CSMD1: variants seen among roughly 807,000 people sequenced by gnomAD.
CSMD1 encodes CUB and sushi domain-containing protein 1.
CSMD1 carries 213 observed loss-of-function variants against 417.5 expected under a neutral mutation model. The ratio of observed to expected loss-of-function variants is 0.51; its 90% CI spans 0.46 to 0.57. CSMD1 has a LOEUF of 0.57. Among genes scored for constraint, CSMD1 ranks in the 20% least tolerant of loss-of-function variants. The probability of loss-of-function intolerance (pLI) is 0.00; values close to 1 mark genes in which losing one functional copy is unlikely to be tolerated. For missense variants in CSMD1, 6,923 were observed against 4,529.7 expected (o/e 1.53, Z -15.17); for synonymous variants, 2,862 against 1,736.8 (o/e 1.65, Z -16.11).
At chr8:4,042,225 A>C (rs1011233567) in intron 3 of CSMD1, among the ~76,000 whole-genome samples, 2 of 152,212 alleles carry the variant, frequency 1.3e-5, no homozygotes, top group African/African-American at 2.4e-5. Context: ...ACCATATCAC[A>C]CATGTCAAAA....
chr8:4,479,701 C>G (rs1800985513), intron 2 of CSMD1, among the ~76,000 whole-genome samples: 1 of 151,946 alleles, frequency 6.6e-6, no homozygotes, highest in Non-Finnish European at 1.5e-5. Context: ...AGAGACCATC[C>G]TGGCCAACAT....
At chr8:3,507,374 T>G (rs907249428) in intron 10 of CSMD1, among the ~76,000 whole-genome samples, 1 of 152,238 alleles carries the variant, frequency 6.6e-6, no homozygotes, top group African/African-American at 2.4e-5. Context: ...ATGATGTATT[T>G]GTGCCACATT....
At chr8:3,587,390 T>C (rs1452739438) in intron 8 of CSMD1, among the ~76,000 whole-genome samples, 1 of 152,146 alleles carries the variant, frequency 6.6e-6, no homozygotes, top group African/African-American at 2.4e-5. Context: ...TGTTTTTAGT[T>C]TGAGAAACCA....
chr8:3,447,555 G>A (rs1044470815), intron 12 of CSMD1, among the ~76,000 whole-genome samples: 2 of 152,190 alleles, frequency 1.3e-5, no homozygotes, highest in South Asian at 4.1e-4. Flanking sequence ...CGGAACCACT[G>A]TTCACAGAGG....
chr8:3,682,182 T>A lies in CSMD1; in HGVS notation c.1009+26232A>T, dbSNP rs1281719148. Among the ~76,000 whole-genome samples the A allele has an allele frequency of 2.0e-5, 3 of 152,112 alleles. No individual in the cohort carries two copies. The South Asian group carries it at 6.2e-4, about 32-fold the overall frequency. Reference sequence around the variant, plus strand: ...AAAGCAATGGCAACAAAAGCCAAAATTGACAAATGGGATCTAATTAAACTA... The same window carrying A: ...AAAGCAATGGCAACAAAAGCCAAAAATGACAAATGGGATCTAATTAAACTA... On this transcript the variant is annotated intron_variant, in intron 7 of 69. Transcript: ENST00000635120.
intron 52 of CSMD1, among the ~76,000 whole-genome samples, chr8:3,001,188 G>C (rs930799650): frequency 6.6e-6 from 1 of 151,958 alleles, no homozygotes; most frequent in Non-Finnish European, 1.5e-5. Context: ...TAGAGATGGG[G>C]TCTCATTATG....
intron 5 of CSMD1, among the ~76,000 whole-genome samples, chr8:3,825,962 T>C (rs1226954033): frequency 6.6e-6 from 1 of 152,212 alleles, no homozygotes; most frequent in East Asian, 1.9e-4. Flanking sequence ...AATGCATCGT[T>C]TTAACTTGGC....
intron 1 of CSMD1, among the ~76,000 whole-genome samples, chr8:4,729,658 A>G (rs1050386494): frequency 2.6e-5 from 4 of 152,210 alleles, no homozygotes; most frequent in African/African-American, 9.7e-5. Flanking sequence ...ATGAGTATCT[A>G]TTTGGCAACA....
At chr8:3,223,458 C>A (rs960381836) in intron 28 of CSMD1, among the ~76,000 whole-genome samples, 1 of 152,170 alleles carries the variant, frequency 6.6e-6, no homozygotes, top group African/African-American at 2.4e-5. Flanking sequence ...TTTTAACGAA[C>A]ATTCTGTTTA....
chr8:3,302,907 C>A (rs753406304), intron 25 of CSMD1, among the ~76,000 whole-genome samples: 1 of 152,132 alleles, frequency 6.6e-6, no homozygotes, highest in Admixed American at 6.5e-5. Flanking sequence ...TTGCAGGTTT[C>A]TTTCCTCTGA....
At chr8:4,314,910 A>G (rs1349943291) in intron 3 of CSMD1, among the ~76,000 whole-genome samples, 2 of 152,176 alleles carry the variant, frequency 1.3e-5, no homozygotes, top group Non-Finnish European at 1.5e-5. Context: ...GGCTCCTAAA[A>G]ACACAGAGAT....
At chr8:4,926,594 A>C (rs193006807) in intron 1 of CSMD1, among the ~76,000 whole-genome samples, 3 of 152,352 alleles carry the variant, frequency 2.0e-5, no homozygotes, top group South Asian at 2.1e-4. Context: ...CAAATAATAA[A>C]GAAAATATGG....
chr8:3,911,297 G>C (rs1009090742), intron 5 of CSMD1, among the ~76,000 whole-genome samples: 7 of 151,462 alleles, frequency 4.6e-5, no homozygotes, highest in Non-Finnish European at 8.8e-5. Context: ...TATAATCATA[G>C]ATCCTTTTTT....
chr8:4,176,734 G>C (rs949874005), intron 3 of CSMD1, among the ~76,000 whole-genome samples: 1 of 149,944 alleles, frequency 6.7e-6, no homozygotes, highest in South Asian at 2.1e-4. Flanking sequence ...GATGGAGGAA[G>C]ATCTACCAAG....
At chr8:4,195,270 C>T (rs768411329) in intron 3 of CSMD1, among the ~76,000 whole-genome samples, 2 of 152,180 alleles carry the variant, frequency 1.3e-5, no homozygotes, top group Admixed American at 1.3e-4. Context: ...GGGTCTTGCT[C>T]TTTCACCCAG....
chr8:4,431,033 T>G (rs1230249953), intron 2 of CSMD1, among the ~76,000 whole-genome samples: 1 of 152,180 alleles, frequency 6.6e-6, no homozygotes, highest in African/African-American at 2.4e-5. Flanking sequence ...GACCTGTGCT[T>G]CTTCAGAATA....
intron 2 of CSMD1, among the ~76,000 whole-genome samples, chr8:4,485,965 G>C (rs1318859707): frequency 1.3e-5 from 2 of 151,762 alleles, no homozygotes; most frequent in Non-Finnish European, 2.9e-5. Context: ...CTCTGATATT[G>C]ATACACACTG....
chr8:4,312,475 A>ATGCG, intron 3 of CSMD1, among the ~76,000 whole-genome samples: 1 of 149,750 alleles, frequency 6.7e-6, no homozygotes, highest in East Asian at 1.9e-4. Flanking sequence ...GTATATATAT[A>ATGCG]TATACACATA....
rs376736387 is a variant in CSMD1 at position 4,148,481 on chromosome 8, C to A, written c.416-116382G>T. Among the ~76,000 whole-genome samples, 11 of 151,974 alleles carry A rather than the reference C, an allele frequency of 7.2e-5. No individual in the cohort carries two copies. The East Asian group carries it at 1.6e-3, about 22-fold the overall frequency. On this transcript the variant is annotated intron_variant, in intron 3 of 69. Coordinates refer to ENST00000635120, the MANE Select transcript of CSMD1 (RefSeq NM_033225.6). ...CATGTATACATATGTAACGAACCTG[C>A]ACATTGTGCACATGTACCCTAAAAC...
Sources: gnomAD v4.1 joint callset for allele counts (sites outside exome capture counted in the v4.1 genomes callset) on GRCh38, gnomAD v4.1.1 for gene constraint, MANE v1.5 for transcripts, NCBI Gene and HGNC (gene_info 2026-07-23, HGNC 2026-07-21) for gene names.